CDH12: variants seen among roughly 807,000 people sequenced by gnomAD.
CDH12 encodes cadherin-12.
CDH12 carries 41 observed loss-of-function variants against 74.1 expected under a neutral mutation model. The observed-to-expected ratio is 0.55, with a 90% CI of 0.43 to 0.72. The LOEUF (loss-of-function observed/expected upper bound fraction) is 0.72. Among genes scored for constraint, CDH12 ranks in the 30% least tolerant of loss-of-function variants. The probability of loss-of-function intolerance (pLI) is 0.00; values close to 1 mark genes in which losing one functional copy is unlikely to be tolerated. For synonymous variants in CDH12, 399 were observed against 355.0 expected (o/e 1.12, Z -1.39); for missense variants, 945 against 977.2 (o/e 0.97, Z 0.44).
intron 1 of CDH12, among the ~76,000 whole-genome samples, chr5:22,787,176 A>T (rs754228280): frequency 6.6e-6 from 1 of 151,932 alleles, no homozygotes; most frequent in Non-Finnish European, 1.5e-5. Flanking sequence ...GCCAATTCTT[A>T]TCTTGATTAC....
chr5:22,754,582 A>T (rs1361392680), intron 1 of CDH12, among the ~76,000 whole-genome samples: 2 of 151,376 alleles, frequency 1.3e-5, no homozygotes, highest in African/African-American at 4.8e-5. Context: ...AAAAAAAAAA[A>T]AAACAACAGC....
intron 3 of CDH12, among the ~76,000 whole-genome samples, chr5:22,278,984 C>A (rs182405778): frequency 1.7e-4 from 26 of 152,220 alleles, no homozygotes; most frequent in African/African-American, 6.3e-4. Flanking sequence ...ATAACTTCCA[C>A]TTCAATGTTC....
intron 3 of CDH12, among the ~76,000 whole-genome samples, chr5:22,299,995 A>C (rs932138364): frequency 1.3e-5 from 2 of 152,222 alleles, no homozygotes; most frequent in Non-Finnish European, 2.9e-5. Flanking sequence ...ACAAAGGATG[A>C]CAATAGATTG....
Position 22,796,176 on chromosome 5 carries a change from A to AT in CDH12, c.-523+56881dup, listed in dbSNP as rs532761798. Among the ~76,000 whole-genome samples, 84 of 152,276 alleles carry AT rather than the reference A, an allele frequency of 5.5e-4. 1 individual carries two copies. The South Asian group carries it at 0.017, about 30-fold the overall frequency. ...ATACAAGTGCTGATATCTCTTTCGA[A>AT]TACCGATTTCATTTTCTTTGGATAT... is the stretch of plus-strand genomic sequence containing the variant. On this transcript the variant is annotated intron_variant, in intron 1 of 14. Transcript: ENST00000382254.
chr5:22,222,656 A>G (rs1038682983), intron 3 of CDH12, among the ~76,000 whole-genome samples: 2 of 151,872 alleles, frequency 1.3e-5, no homozygotes, highest in Non-Finnish European at 2.9e-5. Context: ...TTAATATTTC[A>G]TAATTTATAT....
At chr5:22,677,949 C>T (rs1741286736) in intron 1 of CDH12, among the ~76,000 whole-genome samples, 1 of 150,328 alleles carries the variant, frequency 6.7e-6, no homozygotes, top group Non-Finnish European at 1.5e-5. Flanking sequence ...GTATGTCTCC[C>T]TTTTTATAAG....
chr5:22,448,338 AT>A (rs1257843828), intron 2 of CDH12, among the ~76,000 whole-genome samples: 3 of 151,944 alleles, frequency 2.0e-5, no homozygotes, highest in Non-Finnish European at 4.4e-5. Flanking sequence ...CAAAAAAAAA[AT>A]ATGCCAGTGA....
intron 3 of CDH12, among the ~76,000 whole-genome samples, chr5:22,357,740 G>A (rs181446611): frequency 4.5e-4 from 68 of 152,126 alleles, no homozygotes; most frequent in Non-Finnish European, 7.8e-4. Context: ...CCAAAAAAAT[G>A]ATCAATTTTT....
intron 3 of CDH12, among the ~76,000 whole-genome samples, chr5:22,254,738 T>A (rs7713628): frequency 6.6e-6 from 1 of 151,460 alleles, no homozygotes; most frequent in Non-Finnish European, 1.5e-5. Context: ...TTTTTAATTT[T>A]AATTTTTTAA....
At chr5:22,712,122 C>T (rs570683711) in intron 1 of CDH12, among the ~76,000 whole-genome samples, 17 of 151,970 alleles carry the variant, frequency 1.1e-4, no homozygotes, top group African/African-American at 4.1e-4. Flanking sequence ...TTATAGGTAT[C>T]GTTATACCTA....
intron 1 of CDH12, among the ~76,000 whole-genome samples, chr5:22,549,363 T>C (rs1738466692): frequency 6.9e-6 from 1 of 145,232 alleles, no homozygotes; most frequent in African/African-American, 2.6e-5. Flanking sequence ...TATCTTTTCC[T>C]TTTTTTTTTC....
intron 6 of CDH12, among the ~76,000 whole-genome samples, chr5:21,856,122 A>T (rs1297705998): frequency 6.6e-6 from 1 of 151,700 alleles, no homozygotes; most frequent in South Asian, 2.1e-4. Context: ...ATTATCCATC[A>T]TCATCACCAT....
In CDH12 at chr5:21,913,061, T is replaced by G. The variant is rs1753933029; in HGVS notation, c.527-58271A>C. ...TTTTACCATGTTGGCCAGACTGACC[T>G]CAAACTCCTGACCTCATGTGATCTG... On this transcript the variant is annotated intron_variant, in intron 6 of 14. Coordinates refer to ENST00000382254, the MANE Select transcript of CDH12 (RefSeq NM_004061.5). Among the ~76,000 whole-genome samples the G allele has an allele frequency of 2.0e-5, 3 of 152,142 alleles. No homozygotes were observed. The South Asian group carries it at 6.2e-4, about 32-fold the overall frequency.
At chr5:22,219,478 C>CAAT (rs1463309182) in intron 3 of CDH12, among the ~76,000 whole-genome samples, 2 of 151,636 alleles carry the variant, frequency 1.3e-5, no homozygotes, top group Non-Finnish European at 3.0e-5. Context: ...CAGCAAAAGT[C>CAAT]AATAATTTGC....
intron 1 of CDH12, among the ~76,000 whole-genome samples, chr5:22,705,607 A>C (rs899858776): frequency 6.6e-6 from 1 of 151,958 alleles, no homozygotes; most frequent in Non-Finnish European, 1.5e-5. Context: ...CCCTTACAAT[A>C]TTATAGTATT....
At chr5:22,615,628 A>G (rs1269038485) in intron 1 of CDH12, among the ~76,000 whole-genome samples, 3 of 152,174 alleles carry the variant, frequency 2.0e-5, no homozygotes, top group Non-Finnish European at 4.4e-5. Flanking sequence ...GGAAAGCAAA[A>G]TAAATCAAAA....
At chr5:22,156,953 G>A (rs946601017) in intron 4 of CDH12, among the ~76,000 whole-genome samples, 1 of 152,050 alleles carries the variant, frequency 6.6e-6, no homozygotes. Context: ...TAACCAGAGG[G>A]GGAAGAAAAG....
intron 5 of CDH12, among the ~76,000 whole-genome samples, chr5:22,044,823 A>G (rs1020163977): frequency 2.6e-5 from 4 of 152,216 alleles, no homozygotes; most frequent in Non-Finnish European, 4.4e-5. Flanking sequence ...AATCAATGTA[A>G]GGTTTGAAAC....
chr5:22,583,985 C>T (rs1184998597), intron 1 of CDH12, among the ~76,000 whole-genome samples: 1 of 151,128 alleles, frequency 6.6e-6, no homozygotes, highest in Non-Finnish European at 1.5e-5. Flanking sequence ...TACTTTTTCC[C>T]CCTGGTTCTG....
Sources: gnomAD v4.1 joint callset for allele counts (sites outside exome capture counted in the v4.1 genomes callset) on GRCh38, gnomAD v4.1.1 for gene constraint, MANE v1.5 for transcripts, NCBI Gene and HGNC (gene_info 2026-07-23, HGNC 2026-07-21) for gene names.